CAST: variants seen among roughly 807,000 people sequenced by gnomAD.
CAST encodes the protein calpastatin, also known as MIR583 host.
In CAST, 76 loss-of-function variants were observed where a neutral mutation model predicts 119.6. The ratio of observed to expected loss-of-function variants is 0.64; its 90% CI spans 0.53 to 0.77. The LOEUF is 0.77. Ranked by LOEUF, CAST falls within the 30% of genes least tolerant of loss-of-function variation. The probability of loss-of-function intolerance (pLI) is 0.00; values close to 1 mark genes in which losing one functional copy is unlikely to be tolerated. For missense variants in CAST, 953 were observed against 946.5 expected (o/e 1.01, Z -0.09); for synonymous variants, 319 against 331.6 (o/e 0.96, Z 0.41).
the CAST span, among the ~76,000 whole-genome samples, chr5:96,160,670 T>C: frequency 6.6e-5 from 10 of 152,312 alleles, no homozygotes; most frequent in African/African-American, 2.2e-4. Flanking sequence ...TATTTAACAT[T>C]TTTAGGAACT....
At chr5:96,241,872 G>A in the CAST span, among the ~76,000 whole-genome samples, 1 of 147,306 alleles carries the variant, frequency 6.8e-6, no homozygotes, top group Non-Finnish European at 1.5e-5. Flanking sequence ...CTTTTGAGAA[G>A]TGTCTGTTCA....
the CAST span, among the ~76,000 whole-genome samples, chr5:96,443,481 T>A: frequency 1.3e-5 from 2 of 152,220 alleles, no homozygotes; most frequent in Non-Finnish European, 2.9e-5. Flanking sequence ...ACATGCCAAT[T>A]TTGAAGCTAC....
the CAST span, among the ~76,000 whole-genome samples, chr5:96,124,836 A>G: frequency 1.3e-5 from 2 of 152,208 alleles, no homozygotes; most frequent in South Asian, 2.1e-4. Context: ...TGAGGGTTAT[A>G]GCAACTATTG....
At chr5:96,643,836 G>A (rs1269280339) in intron 1 of CAST, among the ~76,000 whole-genome samples, 3 of 152,264 alleles carry the variant, frequency 2.0e-5, no homozygotes, top group East Asian at 3.9e-4. Flanking sequence ...TCATGACACT[G>A]TACTCCAGCC....
At chr5:96,407,812 C>T in the CAST span, among the ~76,000 whole-genome samples, 1 of 152,166 alleles carries the variant, frequency 6.6e-6, no homozygotes, top group Admixed American at 6.5e-5. Context: ...TAAACTTGTT[C>T]CTAATACTGC....
chr5:96,476,824 A>G, the CAST span, among the ~76,000 whole-genome samples: 3 of 151,704 alleles, frequency 2.0e-5, no homozygotes, highest in Admixed American at 2.0e-4. Flanking sequence ...CACTCTTAAA[A>G]CATCTCCCTG....
the CAST span, among the ~76,000 whole-genome samples, chr5:96,345,827 C>T: frequency 8.5e-5 from 13 of 152,190 alleles, 1 homozygote; most frequent in African/African-American, 3.1e-4. Flanking sequence ...GCAGAGTGAC[C>T]CAGATGACAC....
At chr5:96,160,271 C>A in the CAST span, among the ~76,000 whole-genome samples, 1 of 152,156 alleles carries the variant, frequency 6.6e-6, no homozygotes, top group African/African-American at 2.4e-5. Context: ...ACTCTCCATT[C>A]CCCTCTCTTC....
the CAST span, chr5:96,412,889 GCCCT>G: frequency 3.0e-5 from 10 of 329,986 alleles, no homozygotes; most frequent in East Asian, 1.4e-4. Flanking sequence ...CAAAATGTTT[GCCCT>G]CCCTCCCACC....
At chr5:96,497,545 T>C in the CAST span, among the ~76,000 whole-genome samples, 1 of 151,914 alleles carries the variant, frequency 6.6e-6, no homozygotes, top group Admixed American at 6.6e-5. Context: ...TTTTTAATGA[T>C]TGCCATTCTA....
chr5:96,321,165 T>C, the CAST span, among the ~76,000 whole-genome samples: 1 of 152,204 alleles, frequency 6.6e-6, no homozygotes, highest in East Asian at 1.9e-4. Flanking sequence ...TAGTGACATT[T>C]GGGACCAGAT....
the CAST span, among the ~76,000 whole-genome samples, chr5:96,042,143 G>T: frequency 2.0e-5 from 3 of 152,112 alleles, no homozygotes; most frequent in Non-Finnish European, 4.4e-5. Flanking sequence ...GTCTGAGAAA[G>T]AAGCCAACAA....
chr5:96,356,619 G>A, the CAST span, among the ~76,000 whole-genome samples: 1 of 152,076 alleles, frequency 6.6e-6, no homozygotes, highest in Non-Finnish European at 1.5e-5. Flanking sequence ...TTTTTGTCAG[G>A]GTTGTCAAAG....
At chr5:96,517,192 TTGTA>T in the CAST span, among the ~76,000 whole-genome samples, 1 of 143,792 alleles carries the variant, frequency 7.0e-6, no homozygotes, top group Non-Finnish European at 1.6e-5. Flanking sequence ...AAAAGACAAT[TTGTA>T]TATATGTTTA....
At chr5:96,120,404 C>T in the CAST span, among the ~76,000 whole-genome samples, 1 of 152,060 alleles carries the variant, frequency 6.6e-6, no homozygotes, top group African/African-American at 2.4e-5. Context: ...TAAGTAATCC[C>T]TGGCCTTGCT....
the CAST span, among the ~76,000 whole-genome samples, chr5:96,331,091 G>C: frequency 1.6e-4 from 25 of 152,252 alleles, no homozygotes; most frequent in African/African-American, 6.0e-4. Context: ...CCATTTCCAG[G>C]AAAGATTTTT....
At chr5:96,086,251 A>G in the CAST span, among the ~76,000 whole-genome samples, 2 of 152,196 alleles carry the variant, frequency 1.3e-5, no homozygotes, top group South Asian at 4.1e-4. Flanking sequence ...TCCCAGGATC[A>G]GAACCTGCAA....
At chr5:96,747,738 A>C (rs1325178409) in intron 18 of CAST, among the ~76,000 whole-genome samples, 1 of 152,218 alleles carries the variant, frequency 6.6e-6, no homozygotes, top group African/African-American at 2.4e-5. Context: ...TTAAGTTGGT[A>C]GTAACCTGTC....
chr5:96,516,608 C>T, the CAST span, among the ~76,000 whole-genome samples: 1 of 152,096 alleles, frequency 6.6e-6, no homozygotes, highest in African/African-American at 2.4e-5. Flanking sequence ...AGAAGAAATG[C>T]AATTAATTCA....
Sources: gnomAD v4.1 joint callset for allele counts (sites outside exome capture counted in the v4.1 genomes callset) on GRCh38, gnomAD v4.1.1 for gene constraint, MANE v1.5 for transcripts, NCBI Gene and HGNC (gene_info 2026-07-23, HGNC 2026-07-21) for gene names.